ZMYM2: variants seen among roughly 807,000 people sequenced by gnomAD.
ZMYM2 encodes the protein zinc finger MYM-type protein 2.
In ZMYM2, 56 loss-of-function variants were observed where a neutral mutation model predicts 162.8. That is an observed-to-expected ratio of 0.34 (90% confidence interval 0.28 to 0.43). ZMYM2 has a LOEUF of 0.43. ZMYM2 is among the 20% of genes least tolerant of loss of function. The pLI, the probability that ZMYM2 is intolerant of heterozygous loss-of-function variation, is 1.00. For synonymous variants in ZMYM2, 510 were observed against 541.6 expected, an observed-to-expected ratio of 0.94 and a Z score of 0.81; for missense variants, 1,275 against 1,621.8, an observed-to-expected ratio of 0.79 and a Z score of 3.67.
chr13:19,968,351 T>A (rs1403190569), intron 2 of ZMYM2, among the ~76,000 whole-genome samples: 1 of 152,166 alleles, frequency 6.6e-6, no homozygotes, highest in African/African-American at 2.4e-5. Context: ...CAAGCGATTC[T>A]CCTGCCTCAA....
intron 17 of ZMYM2, among the ~76,000 whole-genome samples, chr13:20,062,313 A>G (rs539910492): frequency 2.0e-4 from 30 of 152,314 alleles, no homozygotes; most frequent in Middle Eastern, 3.4e-3. Flanking sequence ...CAGTGTGTAT[A>G]CAGATGTCTT....
chr13:20,054,366 T>G (rs1222232274), intron 14 of ZMYM2, among the ~76,000 whole-genome samples: 2 of 152,258 alleles, frequency 1.3e-5, no homozygotes, highest in Non-Finnish European at 2.9e-5. Flanking sequence ...CAGATGAGTC[T>G]TACTTGAATC....
intron 2 of ZMYM2, among the ~76,000 whole-genome samples, chr13:19,984,874 G>A (rs1056585861): frequency 6.6e-6 from 1 of 152,140 alleles, no homozygotes; most frequent in Non-Finnish European, 1.5e-5. Context: ...TAAGGAGATC[G>A]AATTGACACA....
At chr13:19,995,387 G>A (rs538269027) in intron 3 of ZMYM2, among the ~76,000 whole-genome samples, 5 of 152,068 alleles carry the variant, frequency 3.3e-5, no homozygotes, top group African/African-American at 1.2e-4. Context: ...ATTTTTCAAG[G>A]GCATAAATAA....
intron 21 of ZMYM2, among the ~76,000 whole-genome samples, chr13:20,081,502 GACAATAAGAA>G (rs1369920956): frequency 6.6e-6 from 1 of 152,050 alleles, no homozygotes; most frequent in African/African-American, 2.4e-5. Context: ...GGAATATAGA[GACAATAAGAA>G]AAAAGCGTTA....
chr13:19,932,562 C>G, the ZMYM2 span, among the ~76,000 whole-genome samples: 1 of 151,940 alleles, frequency 6.6e-6, no homozygotes, highest in African/African-American at 2.4e-5. Context: ...GGCAGAATTG[C>G]TTCAGCCTGG....
the ZMYM2 span, among the ~76,000 whole-genome samples, chr13:19,936,425 CA>C: frequency 1.3e-5 from 2 of 151,886 alleles, no homozygotes; most frequent in Non-Finnish European, 2.9e-5. Flanking sequence ...GTAATTTTTT[CA>C]AAAGAAGAGA....
chr13:19,906,668 T>C, the ZMYM2 span, among the ~76,000 whole-genome samples: 9 of 151,992 alleles, frequency 5.9e-5, no homozygotes, highest in East Asian at 7.8e-4. Flanking sequence ...CTTGGCCTCC[T>C]GGGCTTAAGC....
chr13:20,015,398 A>G (rs1265842131), intron 6 of ZMYM2, among the ~76,000 whole-genome samples: 1 of 152,168 alleles, frequency 6.6e-6, no homozygotes, highest in African/African-American at 2.4e-5. Flanking sequence ...AAATTGCTCC[A>G]TGTGCATTTG....
At chr13:19,943,713 G>A in the ZMYM2 span, among the ~76,000 whole-genome samples, 2 of 152,098 alleles carry the variant, frequency 1.3e-5, no homozygotes, top group Admixed American at 6.6e-5. Context: ...TTTTAGGTAC[G>A]TGTACAACTG....
intron 3 of ZMYM2, among the ~76,000 whole-genome samples, chr13:19,999,129 C>T (rs1045451800): frequency 1.3e-5 from 2 of 152,174 alleles, no homozygotes; most frequent in African/African-American, 2.4e-5. Flanking sequence ...GTTACCACAC[C>T]TCAGTACTGT....
At chr13:20,018,564 C>T (rs1951808875) in intron 6 of ZMYM2, among the ~76,000 whole-genome samples, 1 of 152,170 alleles carries the variant, frequency 6.6e-6, no homozygotes, top group Non-Finnish European at 1.5e-5. Context: ...TCATTGCTCA[C>T]TTAGTTTCTG....
chr13:19,865,358 C>T, the ZMYM2 span, among the ~76,000 whole-genome samples: 1 of 152,248 alleles, frequency 6.6e-6, no homozygotes, highest in Non-Finnish European at 1.5e-5. Context: ...GTTGGACAAG[C>T]TTGATCTAAG....
the ZMYM2 span, among the ~76,000 whole-genome samples, chr13:19,897,128 T>A: frequency 1.3e-5 from 2 of 149,406 alleles, no homozygotes; most frequent in Admixed American, 1.3e-4. Flanking sequence ...GGAAGTAGAA[T>A]GATGATTGCT....
Position 20,016,816 on chromosome 13 carries a change from C to G in ZMYM2, c.1513-2731C>G, listed in dbSNP as rs371038429. 1.8e-3 allele frequency among the ~76,000 whole-genome samples: 274 copies of G among 152,132 alleles called. 9 individuals are homozygous for G. In the South Asian group the frequency reaches 0.054, roughly 30 times the overall value. On this transcript the variant is annotated intron_variant, in intron 6 of 24. Coordinates refer to ENST00000610343, the MANE Select transcript of ZMYM2 (RefSeq NM_197968.4). ...GATTATAAAGTGTCTTATTGTGTGT[C>G]TCTGAGTTTATCCTACATGTAATTT...
chr13:19,946,378 T>C, the ZMYM2 span, among the ~76,000 whole-genome samples: 1 of 152,216 alleles, frequency 6.6e-6, no homozygotes, highest in East Asian at 1.9e-4. Flanking sequence ...CCCAACTGAT[T>C]GTCTTCCATT....
intron 12 of ZMYM2, among the ~76,000 whole-genome samples, chr13:20,041,319 T>G (rs1177552936): frequency 6.6e-6 from 1 of 152,218 alleles, no homozygotes; most frequent in Non-Finnish European, 1.5e-5. Context: ...TGTAATGACC[T>G]TCTTTGTCTT....
the ZMYM2 span, among the ~76,000 whole-genome samples, chr13:19,911,783 C>T: frequency 6.6e-6 from 1 of 152,212 alleles, no homozygotes; most frequent in Non-Finnish European, 1.5e-5. Flanking sequence ...ACATTGGTTC[C>T]CTGACCTGCG....
At chr13:19,894,626 C>T in the ZMYM2 span, among the ~76,000 whole-genome samples, 4 of 151,846 alleles carry the variant, frequency 2.6e-5, no homozygotes, top group Non-Finnish European at 5.9e-5. Flanking sequence ...CAGGCGTGAG[C>T]CACCTTGGCC....
Sources: allele counts gnomAD v4.1 joint callset (sites outside exome capture counted in the v4.1 genomes callset), GRCh38; gene constraint gnomAD v4.1.1; transcripts MANE v1.5; gene names NCBI Gene and HGNC (gene_info 2026-07-23, HGNC 2026-07-21).